The following BRINP3 variants were observed in gnomAD, a reference collection of about 807,000 sequenced individuals.
BRINP3 encodes BMP/retinoic acid-inducible neural-specific protein 3.
Under a neutral mutation model 71.0 loss-of-function variants are expected in BRINP3, and 19 were observed. The ratio of observed to expected loss-of-function variants is 0.27; its 90% confidence interval spans 0.19 to 0.39. The LOEUF is 0.39. Ranked by LOEUF, BRINP3 falls within the 10% of genes least tolerant of loss-of-function variation. The pLI, the probability that BRINP3 is intolerant of heterozygous loss-of-function variation, is 1.00. For missense variants in BRINP3, 959 were observed against 940.8 expected (o/e 1.02, Z -0.25); for synonymous variants, 380 against 337.7 (o/e 1.13, Z -1.37).
chr1:190,436,816 G>A (rs912218882), intron 2 of BRINP3, among the ~76,000 whole-genome samples: 1 of 151,678 alleles, frequency 6.6e-6, no homozygotes, highest in African/African-American at 2.4e-5. Context: ...GCCATCTGGT[G>A]GAAGCTCTTA....
chr1:190,369,085 G>C (rs976017991), intron 2 of BRINP3, among the ~76,000 whole-genome samples: 3 of 151,986 alleles, frequency 2.0e-5, no homozygotes, highest in African/African-American at 7.2e-5. Flanking sequence ...ATGAGATTTG[G>C]GTGAGGACAC....
intron 2 of BRINP3, among the ~76,000 whole-genome samples, chr1:190,426,206 T>C (rs1047094985): frequency 6.6e-6 from 1 of 151,698 alleles, no homozygotes; most frequent in African/African-American, 2.4e-5. Context: ...GAAGTAAAAT[T>C]TTCCCAGTCT....
At chr1:190,286,347 C>T (rs890182465) in intron 2 of BRINP3, among the ~76,000 whole-genome samples, 1 of 152,068 alleles carries the variant, frequency 6.6e-6, no homozygotes, top group Non-Finnish European at 1.5e-5. Context: ...ACATAATTGC[C>T]ACATTGCCAT....
rs1341557038 is a variant in BRINP3, at chr1:190,153,533, GCC to G, written c.1184+7133_1184+7134del. Among the ~76,000 whole-genome samples, 13 of 152,080 alleles carry G rather than the reference GCC, an allele frequency of 8.5e-5. No homozygotes were observed. The East Asian group carries it at 2.3e-3, about 27-fold the overall frequency. On this transcript the variant is annotated intron_variant, in intron 7 of 7. Transcript: ENST00000367462. ...ATGTGCTTGTGAGTCATCCTGGAGTGCCTGAAACTAGAAAAATAAAATAATAA... is the reference window on the plus strand; with the variant it reads ...ATGTGCTTGTGAGTCATCCTGGAGTGTGAAACTAGAAAAATAAAATAATAA...
At chr1:190,230,091 G>T (rs1657817145) in intron 5 of BRINP3, among the ~76,000 whole-genome samples, 1 of 151,804 alleles carries the variant, frequency 6.6e-6, no homozygotes, top group South Asian at 2.1e-4. Flanking sequence ...TTAGGGAACT[G>T]AAATATTGCA....
intron 6 of BRINP3, among the ~76,000 whole-genome samples, chr1:190,215,695 A>T (rs1656350451): frequency 6.6e-6 from 1 of 151,962 alleles, no homozygotes; most frequent in South Asian, 2.1e-4. Context: ...CAAAATGGAT[A>T]GTGTTCTCTA....
At chr1:190,106,104 T>C (rs988143496) in intron 7 of BRINP3, among the ~76,000 whole-genome samples, 20 of 151,928 alleles carry the variant, frequency 1.3e-4, no homozygotes, top group Non-Finnish European at 2.5e-4. Flanking sequence ...GGAATATGGA[T>C]ACATGCAACT....
At chr1:190,384,427 T>A (rs1670752557) in intron 2 of BRINP3, among the ~76,000 whole-genome samples, 2 of 151,884 alleles carry the variant, frequency 1.3e-5, no homozygotes, top group South Asian at 4.1e-4. Flanking sequence ...GTTTTGCTTT[T>A]GCAGAGTTTT....
At chr1:190,183,476 T>A (rs145284843) in intron 6 of BRINP3, among the ~76,000 whole-genome samples, 2 of 152,056 alleles carry the variant, frequency 1.3e-5, no homozygotes, top group Non-Finnish European at 2.9e-5. Flanking sequence ...CAGGTTAGCA[T>A]TGAAGTTTTA....
intron 6 of BRINP3, among the ~76,000 whole-genome samples, chr1:190,172,913 A>G (rs986576845): frequency 1.2e-4 from 19 of 152,316 alleles, no homozygotes; most frequent in African/African-American, 4.6e-4. Flanking sequence ...CACAATGGCC[A>G]GATGCATGCA....
chr1:190,311,415 G>A (rs1665507876), intron 2 of BRINP3, among the ~76,000 whole-genome samples: 1 of 151,522 alleles, frequency 6.6e-6, no homozygotes, highest in African/African-American at 2.4e-5. Flanking sequence ...AGAATGTAAG[G>A]AGATATATAA....
chr1:190,277,101 A>ATG (rs1160269148), intron 3 of BRINP3, among the ~76,000 whole-genome samples: 1 of 114,000 alleles, frequency 8.8e-6, no homozygotes, highest in African/African-American at 3.0e-5. Flanking sequence ...ATATATATAT[A>ATG]TATATATATA....
rs1667598714 is a variant in BRINP3 at position 190,340,701 on chromosome 1, T to TCCAGAATCATAATTTTGGGATTATTC, written c.237-58952_237-58951insGAATAATCCCAAAATTATGATTCTGG. On this transcript the variant is annotated intron_variant, in intron 2 of 7. Transcript: ENST00000367462. ...CCACATGCATACTAGAATAGAACCTTTCTTATGAATGAGAAAACAAAATCT... is the reference window on the plus strand; with the variant it reads ...CCACATGCATACTAGAATAGAACCTTCCAGAATCATAATTTTGGGATTATTCTCTTATGAATGAGAAAACAAAATCT... 2.0e-5 allele frequency among the ~76,000 whole-genome samples: 3 copies of TCCAGAATCATAATTTTGGGATTATTC among 151,586 alleles called. No individual in the cohort carries two copies. In the East Asian group the frequency reaches 6.0e-4, roughly 30 times the overall value.
chr1:190,336,300 CAA>C (rs1667281660), intron 2 of BRINP3, among the ~76,000 whole-genome samples: 1 of 151,968 alleles, frequency 6.6e-6, no homozygotes, highest in Non-Finnish European at 1.5e-5. Flanking sequence ...TGATGTTGTG[CAA>C]AGTTTCCATA....
At chr1:190,413,511 TAGAC>T (rs1022783479) in intron 2 of BRINP3, among the ~76,000 whole-genome samples, 2 of 152,166 alleles carry the variant, frequency 1.3e-5, no homozygotes, top group Admixed American at 6.5e-5. Flanking sequence ...ACCATATACT[TAGAC>T]AGCCAGACAG....
At chr1:190,100,337 C>T (rs1195995135) in intron 7 of BRINP3, among the ~76,000 whole-genome samples, 1 of 152,018 alleles carries the variant, frequency 6.6e-6, no homozygotes, top group African/African-American at 2.4e-5. Context: ...GTGCATTTTT[C>T]TGCTTAAGAT....
chr1:190,138,738 T>C (rs1362234915), intron 7 of BRINP3, among the ~76,000 whole-genome samples: 1 of 152,048 alleles, frequency 6.6e-6, no homozygotes, highest in Non-Finnish European at 1.5e-5. Flanking sequence ...CAGAGACAGG[T>C]GGGTCTCAGA....
chr1:190,333,637 T>A (rs1006204511), intron 2 of BRINP3, among the ~76,000 whole-genome samples: 10 of 151,968 alleles, frequency 6.6e-5, no homozygotes, highest in Non-Finnish European at 1.5e-4. Flanking sequence ...TATCACTCTA[T>A]GAATAGCTTG....
At chr1:190,469,942 A>T (rs1432537575) in intron 1 of BRINP3, among the ~76,000 whole-genome samples, 1 of 151,090 alleles carries the variant, frequency 6.6e-6, no homozygotes, top group Non-Finnish European at 1.5e-5. Context: ...CACATTTTTT[A>T]GACTGGCTTA....
Sources: allele counts gnomAD v4.1 joint callset (sites outside exome capture counted in the v4.1 genomes callset), GRCh38; gene constraint gnomAD v4.1.1; transcripts MANE v1.5; gene names NCBI Gene and HGNC (gene_info 2026-07-23, HGNC 2026-07-21).